Variants in GABRB1 observed in about 807,000 individuals in gnomAD.
GABRB1 encodes gamma-aminobutyric acid receptor subunit beta-1.
In GABRB1, 17 loss-of-function variants were observed where a neutral mutation model predicts 51.6. The observed-to-expected ratio is 0.33, with a 90% CI of 0.23 to 0.49. The LOEUF (loss-of-function observed/expected upper bound fraction) is 0.49, where lower values mean the gene tolerates loss of function less well. Ranked by LOEUF, GABRB1 falls within the 20% of genes least tolerant of loss-of-function variation. The probability of loss-of-function intolerance (pLI) is 0.99; values close to 1 mark genes in which losing one functional copy is unlikely to be tolerated. For missense variants in GABRB1, 410 were observed against 600.6 expected (o/e 0.68, Z 3.32); for synonymous variants, 247 against 218.9 (o/e 1.13, Z -1.14).
intron 4 of GABRB1, among the ~76,000 whole-genome samples, chr4:47,180,396 A>G (rs1401093222): frequency 6.6e-6 from 1 of 152,090 alleles, no homozygotes; most frequent in African/African-American, 2.4e-5. Context: ...TATTTCTGAT[A>G]AAAAACATTA....
rs141134394 is a variant in GABRB1 at position 47,139,731 on chromosome 4, G to A, written c.241-21518G>A. ...GTTAGCTGATTCTAAATTCTCTACT[G>A]TAGTGCTCTCAAACTTTAATGTAAA... On this transcript the variant is annotated intron_variant, in intron 3 of 8. Transcript: ENST00000295454. 7.2e-5 allele frequency among the ~76,000 whole-genome samples: 11 copies of A among 152,078 alleles called. No homozygotes were observed. In the East Asian group the frequency reaches 2.1e-3, roughly 29 times the overall value.
chr4:47,157,072 A>G (rs1409095379), intron 3 of GABRB1, among the ~76,000 whole-genome samples: 5 of 152,104 alleles, frequency 3.3e-5, no homozygotes, highest in African/African-American at 4.8e-5. Context: ...AAATTCTGTC[A>G]TGCCTGAATT....
chr4:46,993,838 C>G (rs945469736), exon 1 of GABRB1: 4 of 209,882 alleles, frequency 1.9e-5, no homozygotes, highest in South Asian at 1.3e-4. Flanking sequence ...GTGGGCTCCC[C>G]GCCCACAGCA....
chr4:47,285,631 T>C (rs1379607005), intron 4 of GABRB1, among the ~76,000 whole-genome samples: 1 of 152,314 alleles, frequency 6.6e-6, no homozygotes, highest in East Asian at 1.9e-4. Flanking sequence ...GGCTCTAGTA[T>C]TAAATGGCAT....
intron 4 of GABRB1, among the ~76,000 whole-genome samples, chr4:47,287,373 A>C (rs1190705150): frequency 6.6e-6 from 1 of 152,218 alleles, no homozygotes; most frequent in East Asian, 1.9e-4. Context: ...CTATTAAGGC[A>C]TCAATATAAC....
intron 1 of GABRB1, among the ~76,000 whole-genome samples, chr4:47,023,098 C>T (rs1445061819): frequency 2.0e-5 from 3 of 151,988 alleles, no homozygotes; most frequent in Non-Finnish European, 2.9e-5. Flanking sequence ...CACATGTTCT[C>T]ACTTATTTGT....
chr4:47,130,816 G>T (rs896125871), intron 3 of GABRB1, among the ~76,000 whole-genome samples: 8 of 152,154 alleles, frequency 5.3e-5, no homozygotes, highest in African/African-American at 1.9e-4. Flanking sequence ...TCTCAGTACA[G>T]TGCTTCACAT....
At chr4:47,251,806 G>A (rs982327569) in intron 4 of GABRB1, among the ~76,000 whole-genome samples, 9 of 152,138 alleles carry the variant, frequency 5.9e-5, no homozygotes, top group Non-Finnish European at 1.3e-4. Context: ...CAGCTCCCAT[G>A]CAAACTGAAG....
At position 47,403,328 on chromosome 4, in the gene GABRB1, C is replaced by A; in HGVS notation, c.555C>A (p.Thr185=). 6.2e-7 allele frequency: 1 copy of A among 1,613,922 alleles called. No homozygotes were observed. The highest frequency in any genetic ancestry group is 8.5e-7 in the Non-Finnish European group (1 of 1,179,856). ...CTLEIESYGY[T]TDDIEFYWNG... ...TTTTATTGGTTTCAGATGGCTATAC[C>A]ACTGATGACATTGAATTTTACTGGA... The change falls in exon 6 of 9, where the codon ACC becomes ACA. Residue 185 remains threonine (T), a synonymous_variant. Transcript: ENST00000295454.
chr4:47,115,330 G>T (rs1369966579), intron 3 of GABRB1, among the ~76,000 whole-genome samples: 1 of 151,772 alleles, frequency 6.6e-6, no homozygotes, highest in Non-Finnish European at 1.5e-5. Flanking sequence ...AAAAAATTTG[G>T]TTACTAACTT....
At chr4:47,031,409 G>A, upstream of GABRB1, 1 of 551,194 alleles carries the variant, frequency 1.8e-6, no homozygotes, top group Non-Finnish European at 3.2e-6. Context: ...TCCCCTGCGT[G>A]GAAACAGCAG....
At chr4:47,358,422 G>C (rs1164834151) in intron 5 of GABRB1, among the ~76,000 whole-genome samples, 1 of 149,944 alleles carries the variant, frequency 6.7e-6, no homozygotes, top group Non-Finnish European at 1.5e-5. Context: ...GAGAGAGTGA[G>C]AGAGAGAGAG....
chr4:47,222,032 G>A (rs1252420375), intron 4 of GABRB1, among the ~76,000 whole-genome samples: 1 of 151,952 alleles, frequency 6.6e-6, no homozygotes, highest in Non-Finnish European at 1.5e-5. Flanking sequence ...TCAAAATTAC[G>A]AATGATAATG....
chr4:47,150,207 ACACACACACG>A (rs1325410706), intron 3 of GABRB1, among the ~76,000 whole-genome samples: 48 of 77,960 alleles, frequency 6.2e-4, no homozygotes, highest in African/African-American at 1.1e-3. Context: ...ACACACACAC[ACACACACACG>A]CACACAGTTA....
intron 4 of GABRB1, among the ~76,000 whole-genome samples, chr4:47,208,003 A>G (rs2109806137): frequency 6.6e-6 from 1 of 152,168 alleles, no homozygotes; most frequent in African/African-American, 2.4e-5. Flanking sequence ...TTGACTAATG[A>G]CAAAAAAAAA....
At chr4:47,095,720 G>A (rs1244903756) in intron 3 of GABRB1, among the ~76,000 whole-genome samples, 10 of 152,168 alleles carry the variant, frequency 6.6e-5, no homozygotes. Flanking sequence ...GAAGTCTTTG[G>A]AAGTTTTGCT....
rs938698975 is a variant in GABRB1 at position 47,283,455 on chromosome 4, G to A, written c.462-36672G>A. ...AGCTGGAATGCAGCCACACGATCTC[G>A]GCTCACTGCAAGCTCCGCCTCCCAG... On this transcript the variant is annotated intron_variant, in intron 4 of 8. Transcript: ENST00000295454. Among the ~76,000 whole-genome samples the A allele has an allele frequency of 3.1e-5, 4 of 127,260 alleles. No individual in the cohort carries two copies. The South Asian group carries it at 1.1e-3, about 35-fold the overall frequency. 83.5% of individuals were successfully genotyped at this position (127,260 alleles called of 152,430 possible). A position where few individuals can be genotyped will look rare whatever the true frequency, so the allele number is the denominator to read the frequency against.
chr4:47,212,407 T>A (rs1269739496), intron 4 of GABRB1, among the ~76,000 whole-genome samples: 4 of 152,124 alleles, frequency 2.6e-5, no homozygotes, highest in Non-Finnish European at 5.9e-5. Context: ...CTGGGTGTGG[T>A]GGCTCACGCC....
intron 4 of GABRB1, among the ~76,000 whole-genome samples, chr4:47,175,455 C>T (rs1718654182): frequency 6.6e-6 from 1 of 152,214 alleles, no homozygotes; most frequent in East Asian, 1.9e-4. Flanking sequence ...TGGTTATTTA[C>T]TTATTTTTAA....
Sources: allele counts gnomAD v4.1 joint callset (sites outside exome capture counted in the v4.1 genomes callset), GRCh38; gene constraint gnomAD v4.1.1; transcripts MANE v1.5; gene names NCBI Gene and HGNC (gene_info 2026-07-23, HGNC 2026-07-21).